The following SIPA1L2 variants were observed in gnomAD, a reference collection of about 807,000 sequenced individuals.
SIPA1L2 encodes the protein signal induced proliferation associated 1 like 2.
A neutral mutation model predicts 163.9 loss-of-function variants in SIPA1L2; 56 were observed. That is an observed-to-expected ratio of 0.34 (90% CI 0.28 to 0.43). The LOEUF is 0.43. Among genes scored for constraint, SIPA1L2 ranks in the 20% least tolerant of loss-of-function variants. The pLI is 1.00. For synonymous variants in SIPA1L2, 877 were observed against 865.7 expected (o/e 1.01, Z -0.23); for missense variants, 1,974 against 2,193.5 (o/e 0.90, Z 2.00).
chr1:232,501,949 C>T (rs1458832559), intron 3 of SIPA1L2, among the ~76,000 whole-genome samples: 2 of 151,966 alleles, frequency 1.3e-5, no homozygotes, highest in Admixed American at 6.6e-5. Context: ...AGCTTTTTTA[C>T]TTTGTGGCAT....
intron 1 of SIPA1L2, among the ~76,000 whole-genome samples, chr1:232,611,578 G>A (rs1475718030): frequency 6.6e-6 from 1 of 152,180 alleles, no homozygotes; most frequent in Non-Finnish European, 1.5e-5. Context: ...TTTCAGCAAA[G>A]AGACTAGTGG....
rs773332496 is a variant in SIPA1L2 at position 232,513,942 on chromosome 1, A to G, written c.1398T>C (p.Pro466=). The change falls in exon 3 of 23, where the codon CCT becomes CCC. Residue 466 remains proline (P), a synonymous_variant. Coordinates refer to ENST00000674635, the MANE Select transcript of SIPA1L2 (RefSeq NM_020808.5). ...SVLEVPRENQ[P]IHREKVKRYI... ...AGCGCTTCACTTTCTCCCTGTGAATAGGCTGGTTTTCTCTGGGCACTTCCA... is the reference window on the plus strand; with the variant it reads ...AGCGCTTCACTTTCTCCCTGTGAATGGGCTGGTTTTCTCTGGGCACTTCCA... The G allele has an allele frequency of 2.4e-5, 39 of 1,614,034 alleles. No homozygotes were observed. Among genetic ancestry groups the G allele is most frequent in the Admixed American group, 1.2e-4 (7 of 60,002 alleles).
chr1:232,414,329 G>C (rs1661126056), intron 19 of SIPA1L2, among the ~76,000 whole-genome samples: 1 of 152,108 alleles, frequency 6.6e-6, no homozygotes, highest in Non-Finnish European at 1.5e-5. Context: ...ATACCAGCTG[G>C]GTAGAGCGAA....
At chr1:232,624,708 T>C (rs536932983) in intron 1 of SIPA1L2, among the ~76,000 whole-genome samples, 3 of 152,272 alleles carry the variant, frequency 2.0e-5, no homozygotes, top group South Asian at 2.1e-4. Context: ...ATTAAGCAAA[T>C]ATGTAGAAGT....
intron 1 of SIPA1L2, among the ~76,000 whole-genome samples, chr1:232,586,115 G>A (rs551246543): frequency 2.0e-5 from 3 of 152,248 alleles, no homozygotes; most frequent in South Asian, 2.1e-4. Flanking sequence ...CACAAGACTC[G>A]GTTTCTCCTT....
At chr1:232,618,827 A>G (rs1662644306) in intron 1 of SIPA1L2, among the ~76,000 whole-genome samples, 1 of 152,238 alleles carries the variant, frequency 6.6e-6, no homozygotes, top group African/African-American at 2.4e-5. Flanking sequence ...AAATGAATTC[A>G]GTAATTTTAT....
intron 3 of SIPA1L2, among the ~76,000 whole-genome samples, chr1:232,494,001 G>A (rs573697654): frequency 2.6e-4 from 39 of 152,276 alleles, no homozygotes; most frequent in African/African-American, 9.4e-4. Flanking sequence ...ATGGCTACTT[G>A]TAGAATCAAT....
chr1:232,503,302 C>G (rs979420433), intron 3 of SIPA1L2, among the ~76,000 whole-genome samples: 2 of 152,116 alleles, frequency 1.3e-5, no homozygotes, highest in African/African-American at 2.4e-5. Context: ...TGCATTGTAA[C>G]TGTTCAGTAA....
chr1:232,622,012 G>A lies in SIPA1L2; in HGVS notation c.-319+7857C>T, dbSNP rs558212400. ...CAAAGCACTGGGATTACAGGCATGA[G>A]CCACTATGCCCAAATTAAAACATTT... On this transcript the variant is annotated intron_variant, in intron 1 of 22. Coordinates refer to ENST00000674635, the MANE Select transcript of SIPA1L2 (RefSeq NM_020808.5). Among the ~76,000 whole-genome samples, 12 of 152,282 alleles carry A rather than the reference G, an allele frequency of 7.9e-5. No individual in the cohort carries two copies. The South Asian group carries it at 1.7e-3, about 21-fold the overall frequency.
chr1:232,560,807 C>T (rs868003564), intron 2 of SIPA1L2, among the ~76,000 whole-genome samples: 6 of 152,184 alleles, frequency 3.9e-5, no homozygotes, highest in African/African-American at 7.2e-5. Flanking sequence ...GCTGGAAAAA[C>T]GCCAAGATGT....
chr1:232,535,443 T>C (rs1319423384), intron 2 of SIPA1L2, among the ~76,000 whole-genome samples: 1 of 152,166 alleles, frequency 6.6e-6, no homozygotes, highest in African/African-American at 2.4e-5. Flanking sequence ...GGAATTTTAA[T>C]GTTCTTCATT....
intron 2 of SIPA1L2, among the ~76,000 whole-genome samples, chr1:232,543,292 T>A (rs1372328023): frequency 6.6e-6 from 1 of 152,216 alleles, no homozygotes. Flanking sequence ...TTGTCATGAT[T>A]CAAATGAATC....
intron 2 of SIPA1L2, among the ~76,000 whole-genome samples, chr1:232,540,978 A>T (rs1657622366): frequency 6.6e-6 from 1 of 152,202 alleles, no homozygotes. Flanking sequence ...CATTATCCTC[A>T]GCAAACTAAC....
rs138876697 is a variant in SIPA1L2, at chr1:232,467,992, T to G, written c.2244-2576A>C. Among the ~76,000 whole-genome samples, 1,337 of 152,316 alleles carry G rather than the reference T, an allele frequency of 8.8e-3. 8 individuals carry two copies. The highest frequency in any genetic ancestry group is 0.013 in the Admixed American group (205 of 15,298). ...CTGTACAATGTATGCCATATTCTTG[T>G]TCAATAAACTGTATTCTTGCACATC... On this transcript the variant is annotated intron_variant, in intron 8 of 22. Coordinates refer to ENST00000674635, the MANE Select transcript of SIPA1L2 (RefSeq NM_020808.5).
At chr1:232,564,540 G>T (rs1457781562) in intron 2 of SIPA1L2, among the ~76,000 whole-genome samples, 1 of 151,942 alleles carries the variant, frequency 6.6e-6, no homozygotes, top group Non-Finnish European at 1.5e-5. Context: ...CTCCTGGACA[G>T]AATGAAAATC....
intron 1 of SIPA1L2, among the ~76,000 whole-genome samples, chr1:232,581,233 C>T (rs1239654685): frequency 6.6e-6 from 1 of 152,210 alleles, no homozygotes. Flanking sequence ...GCTCTGGGCA[C>T]ACCATTCCCT....
chr1:232,573,011 T>A (rs956554701), intron 2 of SIPA1L2, among the ~76,000 whole-genome samples: 4 of 151,650 alleles, frequency 2.6e-5, no homozygotes, highest in African/African-American at 9.7e-5. Context: ...GAACTCCCCA[T>A]CTCAGGTGAT....
At chr1:232,404,062 A>T in intron 20 of SIPA1L2, 63 bp downstream of exon 20, 2 of 1,576,500 alleles carry the variant, frequency 1.3e-6, no homozygotes, top group Admixed American at 1.7e-5. Context: ...ACGTGCAGAC[A>T]CATGAAATAT....
rs547028543 is a variant in SIPA1L2, at chr1:232,627,590, T to C, written c.-319+2279A>G. 9.9e-5 allele frequency among the ~76,000 whole-genome samples: 15 copies of C among 152,194 alleles called. 1 individual carries two copies. Among genetic ancestry groups the C allele is most frequent in the Admixed American group, 8.5e-4 (13 of 15,292 alleles). ...ACAGCTTTAACTACAGTAAGCATCA[T>C]AGAAGCCAAATCATGATCTGATAAT... On this transcript the variant is annotated intron_variant, in intron 1 of 22. Transcript: ENST00000674635.
Sources: allele counts gnomAD v4.1 joint callset (sites outside exome capture counted in the v4.1 genomes callset), GRCh38; gene constraint gnomAD v4.1.1; transcripts MANE v1.5; gene names NCBI Gene and HGNC (gene_info 2026-07-23, HGNC 2026-07-21).